The following C10orf67 variants were observed in gnomAD, a reference collection of about 807,000 sequenced individuals.
C10orf67 encodes chromosome 10 open reading frame 67.
A neutral mutation model predicts 35.6 loss-of-function variants in C10orf67; 60 were observed. That is an observed-to-expected ratio of 1.68 (90% confidence interval 1.37 to 2.09). The LOEUF is 2.09. C10orf67 is among the 30% of genes most tolerant of loss of function. The pLI, the probability that C10orf67 is intolerant of heterozygous loss-of-function variation, is 0.00. For synonymous variants in C10orf67, 167 were observed against 115.8 expected, an observed-to-expected ratio of 1.44 and a Z score of -2.84; for missense variants, 474 against 330.2, an observed-to-expected ratio of 1.44 and a Z score of -3.38.
chr10:23,341,639 G>A (rs377688629), intron 1 of C10orf67, among the ~76,000 whole-genome samples: 1 of 152,032 alleles, frequency 6.6e-6, no homozygotes, highest in Admixed American at 6.6e-5. Flanking sequence ...AAAGTCCCTC[G>A]CCACAGGCAC....
rs74927212 is a variant in C10orf67 at position 23,265,642 on chromosome 10, G to A, written c.1200+620C>T. Among the ~76,000 whole-genome samples the A allele has an allele frequency of 5.3e-5, 8 of 152,300 alleles. No homozygotes were observed. In the East Asian group the frequency reaches 1.5e-3, roughly 29 times the overall value. ...GTAGAGATACAGGCTCATAATGATG[G>A]GAGGTATTGTATAATGTAGTGAGCA... On this transcript the variant is annotated intron_variant, in intron 10 of 15. Transcript: ENST00000636213.
At chr10:23,281,005 C>T (rs900774478) in intron 8 of C10orf67, among the ~76,000 whole-genome samples, 1 of 152,126 alleles carries the variant, frequency 6.6e-6, no homozygotes, top group African/African-American at 2.4e-5. Context: ...AAGAAATTCA[C>T]CAAGTAGACT....
intron 10 of C10orf67, among the ~76,000 whole-genome samples, chr10:23,259,541 C>T (rs116617355): frequency 0.019 from 2,859 of 152,120 alleles, 82 homozygotes; most frequent in African/African-American, 0.065. Flanking sequence ...AAAAATCTAT[C>T]GTTGGGAGAC....
chr10:23,310,345 A>G (rs1844452221), intron 4 of C10orf67, among the ~76,000 whole-genome samples: 1 of 152,196 alleles, frequency 6.6e-6, no homozygotes, highest in Non-Finnish European at 1.5e-5. Context: ...TAGATTTGGC[A>G]GTCTGCAGTG....
At chr10:23,296,180 C>T (rs140978147) in intron 5 of C10orf67, among the ~76,000 whole-genome samples, 3 of 145,758 alleles carry the variant, frequency 2.1e-5, no homozygotes, top group East Asian at 4.0e-4. Flanking sequence ...TCTATGTGTA[C>T]TTTTTTTTTT....
chr10:23,311,874 G>A (rs913009213), intron 4 of C10orf67, among the ~76,000 whole-genome samples: 6 of 152,134 alleles, frequency 3.9e-5, no homozygotes, highest in African/African-American at 9.7e-5. Flanking sequence ...AGGTCCCGGT[G>A]TTAGTTTGCA....
intron 13 of C10orf67, among the ~76,000 whole-genome samples, chr10:23,235,012 CAAAAAAA>C (rs57049730): frequency 2.6e-5 from 2 of 76,050 alleles, no homozygotes; most frequent in Non-Finnish European, 5.2e-5. Context: ...AATTCCATCT[CAAAAAAA>C]AAAAAAAAAA....
At chr10:23,284,373 C>G (rs1843465676) in intron 7 of C10orf67, among the ~76,000 whole-genome samples, 1 of 152,020 alleles carries the variant, frequency 6.6e-6, no homozygotes, top group African/African-American at 2.4e-5. Flanking sequence ...CTCTTCCACT[C>G]TTGCCTGCCT....
chr10:23,331,176 CG>C (rs1301032983), intron 2 of C10orf67, among the ~76,000 whole-genome samples: 16 of 56,204 alleles, frequency 2.8e-4, no homozygotes, highest in South Asian at 6.6e-4. Context: ...GGAACCGGGA[CG>C]GGGAAGGGAA....
intron 1 of C10orf67, chr10:23,344,366 A>T: frequency 1.8e-6 from 1 of 549,110 alleles, no homozygotes. Flanking sequence ...GGGGAGGAGG[A>T]GGCGGGGCGG....
At chr10:23,221,523 G>A (rs1841580577) in intron 15 of C10orf67, among the ~76,000 whole-genome samples, 2 of 152,234 alleles carry the variant, frequency 1.3e-5, no homozygotes, top group African/African-American at 2.4e-5. Flanking sequence ...AAGTACTTTC[G>A]GAGCTTGGAA....
Position 23,203,985 on chromosome 10 carries a change from C to G in C10orf67, c.*188G>C, listed in dbSNP as rs572026250. On this transcript the variant is annotated 3_prime_UTR_variant, in exon 16 of 16. Transcript: ENST00000636213. The stretch of plus-strand genomic sequence containing the variant: ...CTTTCCTTAAAGGCGTGGAAAGGAG[C>G]GCGCACAAGGCGCGCATTGAGGTCT... The G allele has an allele frequency of 2.0e-3, 742 of 375,064 alleles. 1 individual carries two copies. Among genetic ancestry groups the G allele is most frequent in the Non-Finnish European group, 3.0e-3 (628 of 211,566 alleles). 23.2% of individuals were successfully genotyped at this position (375,064 alleles called of 1,614,324 possible). A position where few individuals can be genotyped will look rare whatever the true frequency, so the allele number is the denominator to read the frequency against.
At chr10:23,332,715 C>T (rs998646156) in intron 2 of C10orf67, among the ~76,000 whole-genome samples, 1 of 150,850 alleles carries the variant, frequency 6.6e-6, no homozygotes, top group Non-Finnish European at 1.5e-5. Flanking sequence ...AACAAAATGT[C>T]AAAATTTGAC....
chr10:23,289,417 G>A (rs1218423216), intron 7 of C10orf67, among the ~76,000 whole-genome samples: 1 of 152,006 alleles, frequency 6.6e-6, no homozygotes, highest in Non-Finnish European at 1.5e-5. Context: ...TCCAACCTTG[G>A]CCTGCAAAGC....
intron 4 of C10orf67, chr10:23,316,986 CT>C (rs377079580): frequency 1.8e-4 from 28 of 152,504 alleles, no homozygotes; most frequent in African/African-American, 5.8e-4. Flanking sequence ...CAGGCCACCC[CT>C]GGGTTGAAGG....
intron 13 of C10orf67, among the ~76,000 whole-genome samples, chr10:23,236,253 G>GGAAAAA (rs1842047414): frequency 1.3e-5 from 1 of 75,802 alleles, no homozygotes; most frequent in African/African-American, 6.0e-5. Flanking sequence ...CCTCTCGGGG[G>GGAAAAA]AAAAAAAAAA....
intron 12 of C10orf67, among the ~76,000 whole-genome samples, chr10:23,241,235 G>A (rs779144134): frequency 9.2e-5 from 14 of 152,110 alleles, no homozygotes; most frequent in African/African-American, 1.2e-4. Flanking sequence ...AATGCCTTTC[G>A]CACTATTGTA....
At chr10:23,305,073 T>C (rs1282153171) in intron 4 of C10orf67, among the ~76,000 whole-genome samples, 6 of 152,160 alleles carry the variant, frequency 3.9e-5, no homozygotes, top group African/African-American at 1.4e-4. Flanking sequence ...AAAACCAGTC[T>C]GTAATGACTG....
At chr10:23,208,957 C>G (rs1197024407) in intron 15 of C10orf67, among the ~76,000 whole-genome samples, 2 of 152,064 alleles carry the variant, frequency 1.3e-5, no homozygotes, top group African/African-American at 2.4e-5. Context: ...CCCCAGCAGA[C>G]AGCCAGCATA....
Sources: allele counts gnomAD v4.1 joint callset (sites outside exome capture counted in the v4.1 genomes callset), GRCh38; gene constraint gnomAD v4.1.1; transcripts MANE v1.5; gene names NCBI Gene and HGNC (gene_info 2026-07-23, HGNC 2026-07-21).